OLFM2: variants seen among roughly 807,000 people sequenced by gnomAD.
The protein encoded by OLFM2 is noelin-2.
Under a neutral mutation model 43.9 loss-of-function variants are expected in OLFM2, and 20 were observed. The ratio of observed to expected loss-of-function variants is 0.46; its 90% CI spans 0.32 to 0.66. The LOEUF is 0.66. Ranked by LOEUF, OLFM2 falls within the 30% of genes least tolerant of loss-of-function variation. OLFM2 has a pLI of 0.04. For synonymous variants in OLFM2, 268 were observed against 278.6 expected, an observed-to-expected ratio of 0.96 and a Z score of 0.38; for missense variants, 416 against 643.6, an observed-to-expected ratio of 0.65 and a Z score of 3.83.
At chr19:9,894,753 C>A (rs990280077) in intron 1 of OLFM2, among the ~76,000 whole-genome samples, 34 of 152,044 alleles carry the variant, frequency 2.2e-4, no homozygotes, top group Non-Finnish European at 4.1e-4. Flanking sequence ...AAATAACTTC[C>A]CACTCCTCGG....
At chr19:9,910,979 G>T (rs138982615) in intron 1 of OLFM2, among the ~76,000 whole-genome samples, 1 of 152,068 alleles carries the variant, frequency 6.6e-6, no homozygotes, top group Non-Finnish European at 1.5e-5. Flanking sequence ...TGGAGATATG[G>T]ATAGCAAGAC....
intron 1 of OLFM2, among the ~76,000 whole-genome samples, chr19:9,894,527 C>G (rs937063888): frequency 6.6e-6 from 1 of 151,446 alleles, no homozygotes. Context: ...CTGACCAACA[C>G]GGAGAAACCC....
At chr19:9,905,873 C>T (rs1423295531) in intron 1 of OLFM2, among the ~76,000 whole-genome samples, 3 of 152,206 alleles carry the variant, frequency 2.0e-5, no homozygotes, top group Non-Finnish European at 2.9e-5. Flanking sequence ...GTGCCATATC[C>T]TCATATGTGC....
chr19:9,894,367 ACT>A (rs2046663355), intron 1 of OLFM2, among the ~76,000 whole-genome samples: 1 of 122,496 alleles, frequency 8.2e-6, no homozygotes, highest in African/African-American at 3.2e-5. Flanking sequence ...ACAGAGTGAG[ACT>A]CTCTCTCAAT....
chr19:9,881,690 G>GA (rs1568374339), intron 1 of OLFM2, among the ~76,000 whole-genome samples: 1 of 150,260 alleles, frequency 6.7e-6, no homozygotes, highest in Non-Finnish European at 1.5e-5. Context: ...CAGTTGGGGG[G>GA]TCTTGCTGTG....
At chr19:9,874,359 G>T (rs62106799) in intron 1 of OLFM2, among the ~76,000 whole-genome samples, 1 of 147,254 alleles carries the variant, frequency 6.8e-6, no homozygotes, top group Non-Finnish European at 1.5e-5. Context: ...AGAGATGGGG[G>T]TCTCACTATG....
chr19:9,864,787 C>CTTTTTTTT (rs34810133), intron 1 of OLFM2, among the ~76,000 whole-genome samples: 2 of 97,598 alleles, frequency 2.0e-5, no homozygotes, highest in African/African-American at 4.1e-5. Flanking sequence ...ACACACCCAG[C>CTTTTTTTT]TTTTTTTTTT....
chr19:9,923,286 G>T (rs987709367), intron 1 of OLFM2, among the ~76,000 whole-genome samples: 1 of 151,976 alleles, frequency 6.6e-6, no homozygotes, highest in Non-Finnish European at 1.5e-5. Flanking sequence ...TGGGCACGGT[G>T]GCTCATGCCT....
chr19:9,931,205 G>A (rs892336271), intron 1 of OLFM2, among the ~76,000 whole-genome samples: 3 of 152,164 alleles, frequency 2.0e-5, no homozygotes, highest in African/African-American at 7.2e-5. Context: ...AAACAACAGT[G>A]CCCTATCGGT....
At chr19:9,897,929 G>T (rs558656350) in intron 1 of OLFM2, among the ~76,000 whole-genome samples, 29 of 151,916 alleles carry the variant, frequency 1.9e-4, no homozygotes, top group Admixed American at 1.1e-3. Context: ...TTTAGACAGG[G>T]TCTCGCTCTG....
intron 1 of OLFM2, among the ~76,000 whole-genome samples, chr19:9,862,985 TCTC>T: frequency 3.3e-5 from 1 of 30,284 alleles, no homozygotes; most frequent in African/African-American, 1.3e-4. Flanking sequence ...TGAAACTCTG[TCTC>T]AAAAAAAAAA....
chr19:9,925,580 C>T (rs1045251644), intron 1 of OLFM2, among the ~76,000 whole-genome samples: 1 of 151,490 alleles, frequency 6.6e-6, no homozygotes, highest in Non-Finnish European at 1.5e-5. Flanking sequence ...TCCCAAGTAG[C>T]TGGGACCACA....
intron 1 of OLFM2, among the ~76,000 whole-genome samples, chr19:9,935,529 C>T (rs1288292665): frequency 6.6e-6 from 1 of 152,076 alleles, no homozygotes; most frequent in African/African-American, 2.4e-5. Flanking sequence ...CACGTTTGCA[C>T]ACACAGCGCT....
intron 1 of OLFM2, among the ~76,000 whole-genome samples, chr19:9,891,933 G>C (rs1287393457): frequency 6.6e-6 from 1 of 152,192 alleles, no homozygotes; most frequent in Non-Finnish European, 1.5e-5. Flanking sequence ...CTATGCATAT[G>C]AATGTATAAA....
chr19:9,919,288 T>G (rs530650967), intron 1 of OLFM2, among the ~76,000 whole-genome samples: 1 of 151,602 alleles, frequency 6.6e-6, no homozygotes, highest in East Asian at 2.0e-4. Flanking sequence ...TGCCTCAGCC[T>G]CCGGAGTAGC....
In OLFM2 at chr19:9,860,685, C is replaced by T. The variant is rs267605828; in HGVS notation, c.173G>A (p.Arg58Gln). ...CCGCAGCTCCCGACTCCTGCCATCT[C>T]GAGAGCAGGTACTCTGCGCTGGGAT... ...AVIPAQSTCS[R>Q]DGRSRELRQL... The change falls in exon 2 of 6, where the codon CGA becomes CAA. Residue 58 changes from arginine to glutamine, a missense_variant. Physicochemically the swap from Arg to Gln is conservative, Grantham distance 43 (BLOSUM62 1). Coordinates refer to ENST00000264833, the MANE Select transcript of OLFM2 (RefSeq NM_058164.4). 36 of 1,599,518 alleles carry T rather than the reference C, an allele frequency of 2.3e-5. No individual in the cohort carries two copies. The highest frequency in any genetic ancestry group is 4.0e-5 in the African/African-American group (3 of 74,700).
intron 1 of OLFM2, among the ~76,000 whole-genome samples, chr19:9,904,194 G>GTGTGTA (rs2046765617): frequency 6.8e-6 from 1 of 148,098 alleles, no homozygotes; most frequent in African/African-American, 2.6e-5. Context: ...GTGTGTGTGT[G>GTGTGTA]TGTGTGTGTG....
chr19:9,932,884 C>G (rs1465540853), intron 1 of OLFM2, among the ~76,000 whole-genome samples: 1 of 152,128 alleles, frequency 6.6e-6, no homozygotes, highest in South Asian at 2.1e-4. Context: ...TTGGATAGAT[C>G]CTGGATGAAT....
At chr19:9,909,396 C>T (rs961964850) in intron 1 of OLFM2, among the ~76,000 whole-genome samples, 2 of 152,110 alleles carry the variant, frequency 1.3e-5, no homozygotes, top group African/African-American at 4.8e-5. Flanking sequence ...GAAGCCATTC[C>T]GCTGAAGGCT....
Sources: gnomAD v4.1 joint callset for allele counts (sites outside exome capture counted in the v4.1 genomes callset) on GRCh38, gnomAD v4.1.1 for gene constraint, MANE v1.5 for transcripts, NCBI Gene and HGNC (gene_info 2026-07-23, HGNC 2026-07-21) for gene names.